R3HDM1: variants seen among roughly 807,000 people sequenced by gnomAD.
R3HDM1 encodes the protein R3H domain-containing protein 1.
R3HDM1 carries 46 observed loss-of-function variants against 141.1 expected under a neutral mutation model. That is an observed-to-expected ratio of 0.33 (90% CI 0.26 to 0.42). R3HDM1 has a LOEUF of 0.42. R3HDM1 is among the 10% of genes least tolerant of loss of function. The pLI, the probability that R3HDM1 is intolerant of heterozygous loss-of-function variation, is 1.00. For missense variants in R3HDM1, 1,184 were observed against 1,368.3 expected (o/e 0.87, Z 2.12); for synonymous variants, 435 against 472.9 (o/e 0.92, Z 1.04).
intron 1 of R3HDM1, among the ~76,000 whole-genome samples, chr2:135,593,789 C>T (rs1481112728): frequency 6.6e-6 from 1 of 152,128 alleles, no homozygotes; most frequent in African/African-American, 2.4e-5. Context: ...GGCACAGTCT[C>T]GGCTCACTGC....
rs573356648 is a variant in R3HDM1 at position 135,651,090 on chromosome 2, A to T, written c.1726-640A>T. The T allele has an allele frequency of 5.1e-6, 5 of 985,392 alleles. No individual in the cohort carries two copies. In the East Asian group the frequency reaches 3.4e-4, roughly 67 times the overall value. 61.0% of individuals were successfully genotyped at this position (985,392 alleles called of 1,614,324 possible). ...TGGTAGGGCACCATTTAGTAAAAGC[A>T]TAGGAAACTGTCATTTGAATTACAT... On this transcript the variant is annotated intron_variant, in intron 17 of 26. Coordinates refer to ENST00000683871, the MANE Select transcript of R3HDM1 (RefSeq NM_001378107.1).
intron 1 of R3HDM1, among the ~76,000 whole-genome samples, chr2:135,601,241 T>TGA: frequency 6.6e-6 from 1 of 152,348 alleles, no homozygotes; most frequent in Non-Finnish European, 1.5e-5. Context: ...CAGATTGAGA[T>TGA]GACACGGTAT....
At chr2:135,671,358 AT>A (rs1002802228) in intron 19 of R3HDM1, among the ~76,000 whole-genome samples, 5 of 151,756 alleles carry the variant, frequency 3.3e-5, no homozygotes, top group Non-Finnish European at 5.9e-5. Flanking sequence ...GTTAAAATTT[AT>A]TTTTTTAATT....
intron 1 of R3HDM1, among the ~76,000 whole-genome samples, chr2:135,541,990 T>C (rs1028573827): frequency 1.3e-5 from 2 of 152,174 alleles, no homozygotes; most frequent in Admixed American, 6.5e-5. Flanking sequence ...TATTGAAATA[T>C]CTTTGGGATG....
At chr2:135,623,801 A>C (rs750354219) in intron 7 of R3HDM1, among the ~76,000 whole-genome samples, 1 of 152,236 alleles carries the variant, frequency 6.6e-6, no homozygotes, top group Non-Finnish European at 1.5e-5. Flanking sequence ...TACAGTATTC[A>C]CTGTCTCTGT....
intron 19 of R3HDM1, among the ~76,000 whole-genome samples, chr2:135,673,864 TTTTG>T (rs1469402454): frequency 3.3e-5 from 5 of 152,308 alleles, no homozygotes; most frequent in South Asian, 2.1e-4. Context: ...GGTTGGTTGG[TTTTG>T]TTTGTTTGTT....
chr2:135,685,127 G>A (rs2071108816), intron 21 of R3HDM1, among the ~76,000 whole-genome samples: 1 of 152,058 alleles, frequency 6.6e-6, no homozygotes, highest in Non-Finnish European at 1.5e-5. Context: ...AAAACATCCT[G>A]TTTTGTTTTT....
intron 3 of R3HDM1, among the ~76,000 whole-genome samples, chr2:135,608,200 C>T (rs2060242153): frequency 6.6e-6 from 1 of 152,030 alleles, no homozygotes; most frequent in African/African-American, 2.4e-5. Flanking sequence ...CCTGTAATCC[C>T]AGCTACTTGG....
chr2:135,599,804 G>A (rs1012257259), intron 1 of R3HDM1, among the ~76,000 whole-genome samples: 2 of 152,106 alleles, frequency 1.3e-5, no homozygotes, highest in Admixed American at 6.6e-5. Flanking sequence ...AGGTTGGGAC[G>A]GGGGATTACT....
Position 135,616,687 on chromosome 2 carries a change from T to A in R3HDM1, c.233T>A (p.Leu78Gln). ...KRSKSSSKLK[L>Q]VRSLAVCEES... ...CTTTAGTCAAGCTCAAAGTTAAAGC[T>A]AGTTCGGAGCCTTGCAGTGTGTGAA... Residue 78 changes from leucine (L) to glutamine (Q), a missense_variant, in exon 5 of 27, where the codon CTA (leucine) becomes CAA (glutamine). Physicochemically the swap from Leu to Gln is moderately radical, Grantham distance 113 (BLOSUM62 -2). Around this residue, in one of 5 missense-constraint regions of R3HDM1, gnomAD observed 192 missense variants for 215.7 expected, o/e 0.89. Coordinates refer to ENST00000683871, the MANE Select transcript of R3HDM1 (RefSeq NM_001378107.1). 1 of 1,607,498 alleles carries A rather than the reference T, an allele frequency of 6.2e-7. No homozygotes were observed. The highest frequency in any genetic ancestry group is 8.5e-7 in the Non-Finnish European group (1 of 1,175,676).
intron 20 of R3HDM1, among the ~76,000 whole-genome samples, chr2:135,677,909 G>C (rs906957124): frequency 2.6e-5 from 4 of 152,026 alleles, no homozygotes; most frequent in Admixed American, 1.3e-4. Flanking sequence ...ACACTCTCTA[G>C]TAGTGGTCGG....
chr2:135,569,882 A>G (rs952975759), intron 1 of R3HDM1, among the ~76,000 whole-genome samples: 1 of 151,992 alleles, frequency 6.6e-6, no homozygotes, highest in Non-Finnish European at 1.5e-5. Context: ...GCCCACCAAC[A>G]TGCCTGGCTA....
intron 1 of R3HDM1, among the ~76,000 whole-genome samples, chr2:135,557,196 A>G (rs1007201273): frequency 6.6e-6 from 1 of 152,102 alleles, no homozygotes; most frequent in African/African-American, 2.4e-5. Flanking sequence ...GGTGGTAATT[A>G]GCAATTTAGT....
At chr2:135,575,652 T>A (rs1705250372) in intron 1 of R3HDM1, among the ~76,000 whole-genome samples, 1 of 152,172 alleles carries the variant, frequency 6.6e-6, no homozygotes, top group Non-Finnish European at 1.5e-5. Context: ...CAGTTAGCAG[T>A]CAGTCACAAT....
chr2:135,651,492 C>G (rs1242776905), intron 17 of R3HDM1: 15 of 964,040 alleles, frequency 1.6e-5, no homozygotes, highest in Non-Finnish European at 1.8e-5. Context: ...CTACTCTTTT[C>G]TGCATGCTGT....
chr2:135,636,614 G>A (rs2063276632), intron 11 of R3HDM1, among the ~76,000 whole-genome samples: 1 of 152,070 alleles, frequency 6.6e-6, no homozygotes, highest in African/African-American at 2.4e-5. Flanking sequence ...AATTGATTTT[G>A]TAGGTTAATA....
chr2:135,716,620 C>T (rs1458095045), intron 24 of R3HDM1, among the ~76,000 whole-genome samples: 10 of 152,136 alleles, frequency 6.6e-5, no homozygotes, highest in Non-Finnish European at 1.5e-5. Context: ...TATATTCATA[C>T]AAGGAATATT....
chr2:135,665,248 A>G, intron 19 of R3HDM1: 1 of 321,090 alleles, frequency 3.1e-6, no homozygotes, highest in Non-Finnish European at 6.5e-6. Flanking sequence ...AGTATAAAGA[A>G]ACTTTCTGCA....
chr2:135,672,487 T>C (rs546080539), intron 19 of R3HDM1, among the ~76,000 whole-genome samples: 1 of 152,200 alleles, frequency 6.6e-6, no homozygotes, highest in South Asian at 2.1e-4. Context: ...CCTTTATAAA[T>C]ATCAGTCAGG....
Sources: gnomAD v4.1 joint callset for allele counts (sites outside exome capture counted in the v4.1 genomes callset) on GRCh38, gnomAD v4.1.1 for gene constraint, gnomAD v4.1.1 regional missense constraint, MANE v1.5 for transcripts, NCBI Gene and HGNC (gene_info 2026-07-23, HGNC 2026-07-21) for gene names.